The following LBR variants were observed in gnomAD, a reference collection of about 807,000 sequenced individuals.
LBR encodes the protein delta(14)-sterol reductase LBR.
In LBR, 28 loss-of-function variants were observed where a neutral mutation model predicts 74.3. That is an observed-to-expected ratio of 0.38 (90% CI 0.28 to 0.52). LBR has a LOEUF of 0.52. Among genes scored for constraint, LBR ranks in the 20% least tolerant of loss-of-function variants. The pLI is 0.89. For missense variants in LBR, 717 were observed against 760.3 expected (o/e 0.94, Z 0.67); for synonymous variants, 228 against 269.3 (o/e 0.85, Z 1.50).
intron 1 of LBR, among the ~76,000 whole-genome samples, chr1:225,426,133 G>A (rs1158062184): frequency 6.6e-6 from 1 of 152,130 alleles, no homozygotes; most frequent in African/African-American, 2.4e-5. Flanking sequence ...AAATGAACCG[G>A]CATTCTTCTT....
At chr1:225,415,458 G>A (rs1484513215) in intron 6 of LBR, 126 bp from the exon 7 acceptor site, 1 of 614,264 alleles carries the variant, frequency 1.6e-6, no homozygotes, top group Non-Finnish European at 2.9e-6. Flanking sequence ...AAGATATCTT[G>A]TAACATGGAA....
chr1:225,418,920 C>T (rs1275765081), intron 5 of LBR, among the ~76,000 whole-genome samples: 1 of 152,220 alleles, frequency 6.6e-6, no homozygotes, highest in Non-Finnish European at 1.5e-5. Context: ...ATTAGCAGAG[C>T]TCTCTGTCCC....
intron 8 of LBR, among the ~76,000 whole-genome samples, chr1:225,412,013 T>C (rs545061814): frequency 6.6e-6 from 1 of 152,348 alleles, no homozygotes; most frequent in Admixed American, 6.5e-5. Context: ...TTTCACCATA[T>C]TGGCCAGGCT....
intron 13 of LBR, among the ~76,000 whole-genome samples, chr1:225,403,951 C>A (rs1017895186): frequency 4.1e-5 from 6 of 148,124 alleles, no homozygotes; most frequent in African/African-American, 1.5e-4. Context: ...GTACCTCCAG[C>A]TCCCCCTGAC....
rs936851418 is a variant in LBR at position 225,422,272 on chromosome 1, T to C, written c.171A>G (p.Leu57=). Reference sequence around the variant, plus strand: ...CACCTTTCCTTTGCCTAAAGGAAGTTAAAGGCTAGAAAGGGGGAAGAAGGC... The same window carrying C: ...CACCTTTCCTTTGCCTAAAGGAAGTCAAAGGCTAGAAAGGGGGAAGAAGGC... ...LELKENDIKP[L]TSFRQRKGGS... is the part of the protein sequence containing the mutation. Residue 57 remains leucine (L), a synonymous_variant, in exon 3 of 14, where the codon TTA becomes TTG. Coordinates refer to ENST00000272163, the MANE Select transcript of LBR (RefSeq NM_002296.4). 29 of 1,612,980 alleles carry C rather than the reference T, an allele frequency of 1.8e-5. No individual in the cohort carries two copies. Among genetic ancestry groups the C allele is most frequent in the Non-Finnish European group, 1.9e-5 (23 of 1,179,726 alleles).
rs778673756 is a variant in LBR at position 225,415,267 on chromosome 1, AAG to A, written c.892+9_892+10del. ...AAATCATCAATTTGAGTCTTAAAAAAAGAAAATCACCATTTAATCTATACTTG... is the reference window on the plus strand; with the variant it reads ...AAATCATCAATTTGAGTCTTAAAAAAAAAATCACCATTTAATCTATACTTG... On this transcript the variant is annotated intron_variant, in intron 7 of 13. Coordinates refer to ENST00000272163, the MANE Select transcript of LBR (RefSeq NM_002296.4). 2.8e-5 allele frequency: 44 copies of A among 1,563,494 alleles called. No individual in the cohort carries two copies. Among genetic ancestry groups the A allele is most frequent in the Non-Finnish European group, 3.8e-5 (43 of 1,138,722 alleles).
Position 225,419,752 on chromosome 1 carries a change from T to C in LBR, c.413A>G (p.His138Arg), listed in dbSNP as rs2096124203. ...SISRYNGEPE[H>R]IERNDAPHKN... ...ATGAGGTGCGTCATTTCTCTCAATA[T>C]GCTCAGGCTCCCCATTATATCTGCT... The change falls in exon 4 of 14, where the codon CAT (histidine) becomes CGT (arginine). Residue 138 changes from histidine to arginine, a missense_variant. Coordinates refer to ENST00000272163, the MANE Select transcript of LBR (RefSeq NM_002296.4). 6.2e-7 allele frequency: 1 copy of C among 1,613,056 alleles called. No homozygotes were observed. The highest frequency in any genetic ancestry group is 1.1e-5 in the South Asian group (1 of 90,992).
At chr1:225,413,392 T>C (rs931846196) in intron 7 of LBR, among the ~76,000 whole-genome samples, 1 of 152,244 alleles carries the variant, frequency 6.6e-6, no homozygotes, top group Non-Finnish European at 1.5e-5. Context: ...ATTTTTTTCT[T>C]TTGGCTAAAG....
rs74627222 is a variant in LBR at position 225,408,803 on chromosome 1, A to C, written c.1314+1488T>G. On this transcript the variant is annotated intron_variant, in intron 10 of 13. Coordinates refer to ENST00000272163, the MANE Select transcript of LBR (RefSeq NM_002296.4). ...TTAAGCGTTTTGCCTTAAGATGCAAAAAATTTTCTTTTAACACAAGTCAAT... is the reference window on the plus strand; with the variant it reads ...TTAAGCGTTTTGCCTTAAGATGCAACAAATTTTCTTTTAACACAAGTCAAT... Among the ~76,000 whole-genome samples the C allele has an allele frequency of 5.5e-3, 843 of 152,374 alleles. 8 individuals are homozygous for C. Among genetic ancestry groups the C allele is most frequent in the African/African-American group, 0.019 (775 of 41,584 alleles).
intron 2 of LBR, 151 bp from the exon 3 acceptor site, chr1:225,422,428 G>T: frequency 1.5e-6 from 1 of 678,096 alleles, no homozygotes. Context: ...TGGATCAGAT[G>T]AAGCCAATGG....
rs764873714 is a variant in LBR at position 225,424,054 on chromosome 1, C to G, written c.22G>C (p.Asp8His). The stretch of plus-strand genomic sequence containing the variant: ...CATCGACCTCTTACCACTTCACCAT[C>G]GGCAAATTTCCTACTTGGCATTTTC... MPSRKFA[D>H]GEVVRGRWPG... is the part of the protein sequence containing the mutation. The change falls in exon 2 of 14, where the codon GAT becomes CAT. Residue 8 changes from aspartate to histidine, a missense_variant. By Grantham distance (81) the Asp-to-His change is moderately conservative. Coordinates refer to ENST00000272163, the MANE Select transcript of LBR (RefSeq NM_002296.4). 5 of 1,614,148 alleles carry G rather than the reference C, an allele frequency of 3.1e-6. No homozygotes were observed. Among genetic ancestry groups the G allele is most frequent in the Non-Finnish European group, 4.2e-6 (5 of 1,179,998 alleles).
intron 6 of LBR, among the ~76,000 whole-genome samples, chr1:225,416,815 T>G (rs2096118000): frequency 6.6e-6 from 1 of 152,198 alleles, no homozygotes; most frequent in Non-Finnish European, 1.5e-5. Context: ...GCACTTACGT[T>G]GTATTAGGTA....
At chr1:225,416,136 G>T (rs1471151861) in intron 6 of LBR, among the ~76,000 whole-genome samples, 1 of 151,610 alleles carries the variant, frequency 6.6e-6, no homozygotes, top group Non-Finnish European at 1.5e-5. Context: ...TTCAGCCCAG[G>T]AGGAGGTTGC....
At chr1:225,404,835 A>C in intron 11 of LBR, 129 bp from the exon 12 acceptor site, 1 of 723,868 alleles carries the variant, frequency 1.4e-6, no homozygotes, top group Admixed American at 2.3e-5. Flanking sequence ...CCTAGGCTCA[A>C]GAGATCCTCC....
intron 6 of LBR, chr1:225,417,761 C>A: frequency 1.9e-6 from 1 of 535,442 alleles, no homozygotes; most frequent in South Asian, 2.1e-5. Flanking sequence ...ACAGACAGCA[C>A]AAGAGAAATG....
intron 11 of LBR, 66 bp downstream of exon 11, chr1:225,406,598 G>A (rs2096092154): frequency 1.5e-6 from 2 of 1,376,440 alleles, no homozygotes; most frequent in Non-Finnish European, 2.0e-6. Flanking sequence ...TATGTAGACA[G>A]CAGGGCATAA....
chr1:225,422,039 C>A (rs770443387), intron 3 of LBR, 38 bp downstream of exon 3: 2 of 1,575,824 alleles, frequency 1.3e-6, no homozygotes, highest in Non-Finnish European at 1.7e-6. Flanking sequence ...ATACATAAAG[C>A]GGAAGACAAA....
Position 225,411,321 on chromosome 1 carries a change from A to T in LBR, c.1188+16T>A, listed in dbSNP as rs986923469. 13 of 1,581,272 alleles carry T rather than the reference A, an allele frequency of 8.2e-6. No homozygotes were observed. Among genetic ancestry groups the T allele is most frequent in the Non-Finnish European group, 1.1e-5 (13 of 1,150,214 alleles). ...CCTATTGAATTGAAATTTAGAAGAA[A>T]AAAAACCAGACATACCCATCCAATC... On this transcript the variant is annotated intron_variant, in intron 9 of 13. Transcript: ENST00000272163.
In LBR at chr1:225,411,583, G is replaced by C. The variant is rs950275097; in HGVS notation, c.1085-143C>G. ...GGGCTCTGGTGGTGAGAGGCAGACA[G>C]GACGGCACAGACGAGCGGAACCAGG... On this transcript the variant is annotated intron_variant, in intron 8 of 13. Transcript: ENST00000272163. 9 of 717,020 alleles carry C rather than the reference G, an allele frequency of 1.3e-5. 1 individual carries two copies. Among genetic ancestry groups the C allele is most frequent in the Non-Finnish European group, 2.3e-5 (9 of 387,828 alleles). The allele number at this position is 717,020 out of a possible 1,614,324, so 44.4% of individuals were successfully genotyped here.
Sources: gnomAD v4.1 joint callset for allele counts (sites outside exome capture counted in the v4.1 genomes callset) on GRCh38, gnomAD v4.1.1 for gene constraint, MANE v1.5 for transcripts, NCBI Gene and HGNC (gene_info 2026-07-23, HGNC 2026-07-21) for gene names.